NOX3: variants seen among roughly 807,000 people sequenced by gnomAD.
The protein encoded by NOX3 is NADPH oxidase 3.
In NOX3, 74 loss-of-function variants were observed where a neutral mutation model predicts 76.7. The observed-to-expected ratio is 0.96, with a 90% confidence interval of 0.80 to 1.17. NOX3 has a LOEUF of 1.17. Ranked by LOEUF, NOX3 falls within the 50% of genes most tolerant of loss-of-function variation. The pLI, the probability that NOX3 is intolerant of heterozygous loss-of-function variation, is 0.00. For missense variants in NOX3, 695 were observed against 703.3 expected (o/e 0.99, Z 0.13); for synonymous variants, 263 against 261.1 (o/e 1.01, Z -0.07).
intron 12 of NOX3, among the ~76,000 whole-genome samples, chr6:155,401,495 A>G (rs1779225911): frequency 6.6e-6 from 1 of 152,192 alleles, no homozygotes; most frequent in South Asian, 2.1e-4. Context: ...TAAAAATATC[A>G]TTTTAAAACA....
At chr6:155,408,522 C>A (rs1347630416) in intron 11 of NOX3, among the ~76,000 whole-genome samples, 1 of 152,086 alleles carries the variant, frequency 6.6e-6, no homozygotes, top group Non-Finnish European at 1.5e-5. Context: ...CCTGGCTGAC[C>A]TTCTCTCCAG....
chr6:155,402,820 A>C (rs1182817136), intron 12 of NOX3, among the ~76,000 whole-genome samples: 4 of 152,242 alleles, frequency 2.6e-5, no homozygotes, highest in Admixed American at 2.6e-4. Flanking sequence ...GCTGATGAAT[A>C]GAAATGGTTG....
At chr6:155,439,915 C>T (rs774252199) in intron 6 of NOX3, 41 bp downstream of exon 6, 2 of 1,559,920 alleles carry the variant, frequency 1.3e-6, no homozygotes, top group Admixed American at 3.8e-5. Flanking sequence ...TTGGGACTCT[C>T]AGAGATAAAA....
At chr6:155,410,055 CA>C (rs1202210320) in intron 11 of NOX3, among the ~76,000 whole-genome samples, 2 of 152,066 alleles carry the variant, frequency 1.3e-5, no homozygotes, top group African/African-American at 4.8e-5. Flanking sequence ...GTTCATCAGT[CA>C]AAAATCCCAC....
intron 1 of NOX3, among the ~76,000 whole-genome samples, chr6:155,455,393 G>A (rs1001043592): frequency 2.0e-5 from 3 of 152,192 alleles, no homozygotes; most frequent in Non-Finnish European, 2.9e-5. Context: ...AATCAACGTT[G>A]CTTGACAATG....
intron 12 of NOX3, among the ~76,000 whole-genome samples, chr6:155,399,172 C>T (rs1779178610): frequency 1.3e-5 from 2 of 152,168 alleles, no homozygotes; most frequent in Non-Finnish European, 2.9e-5. Flanking sequence ...GTCCTTGCAT[C>T]TATTTTCAAA....
At chr6:155,406,433 T>C (rs1776459309) in intron 12 of NOX3, among the ~76,000 whole-genome samples, 1 of 152,118 alleles carries the variant, frequency 6.6e-6, no homozygotes. Flanking sequence ...CTTTTCTATA[T>C]TGAAATTTAT....
At chr6:155,418,089 C>A (rs1163159812) in intron 10 of NOX3, among the ~76,000 whole-genome samples, 1 of 152,200 alleles carries the variant, frequency 6.6e-6, no homozygotes, top group Non-Finnish European at 1.5e-5. Flanking sequence ...GTCCTGACTG[C>A]ACAGCTGTGA....
chr6:155,427,262 T>TG (rs1776770409), intron 9 of NOX3, among the ~76,000 whole-genome samples: 1 of 152,116 alleles, frequency 6.6e-6, no homozygotes, highest in South Asian at 2.1e-4. Context: ...AAAGGAGGCC[T>TG]GTGACTCTTC....
intron 7 of NOX3, among the ~76,000 whole-genome samples, chr6:155,435,068 C>T (rs1290727942): frequency 6.6e-6 from 1 of 152,098 alleles, no homozygotes; most frequent in Admixed American, 6.6e-5. Context: ...GAATATCGTA[C>T]AGTTCAGCCA....
chr6:155,441,471 T>C (rs1776985173), intron 5 of NOX3, among the ~76,000 whole-genome samples: 1 of 152,256 alleles, frequency 6.6e-6, no homozygotes, highest in South Asian at 2.1e-4. Flanking sequence ...CAAATCGCCA[T>C]GTCTCTTTCT....
At chr6:155,440,850 A>ATT (rs35434317) in intron 5 of NOX3, among the ~76,000 whole-genome samples, 2 of 152,014 alleles carry the variant, frequency 1.3e-5, no homozygotes, top group Non-Finnish European at 2.9e-5. Context: ...TAATAAACAC[A>ATT]TTTTTTTGAG....
intron 12 of NOX3, among the ~76,000 whole-genome samples, chr6:155,399,951 A>G (rs1361769386): frequency 6.6e-6 from 1 of 152,202 alleles, no homozygotes; most frequent in East Asian, 1.9e-4. Flanking sequence ...ATCGGGGACA[A>G]TGTTAATGGC....
chr6:155,423,403 T>G (rs1451026552), intron 9 of NOX3, among the ~76,000 whole-genome samples: 1 of 152,246 alleles, frequency 6.6e-6, no homozygotes, highest in African/African-American at 2.4e-5. Context: ...TTGTCAGTTA[T>G]GTGGAACTTC....
At chr6:155,400,362 G>A (rs1223053894) in intron 12 of NOX3, among the ~76,000 whole-genome samples, 1 of 151,864 alleles carries the variant, frequency 6.6e-6, no homozygotes, top group Non-Finnish European at 1.5e-5. Context: ...ACCCTGTAGG[G>A]GCAGACCCTA....
At chr6:155,431,056 G>A in intron 7 of NOX3, 121 bp from the exon 8 acceptor site, 2 of 625,380 alleles carry the variant, frequency 3.2e-6, no homozygotes, top group Non-Finnish European at 5.6e-6. Flanking sequence ...TTAACTTTGG[G>A]CCAGTTATCA....
chr6:155,428,865 G>T lies in NOX3; in HGVS notation c.1074C>A (p.Asp358Glu), dbSNP rs1425976754. ...FFSVHIRAAG[D>E]WTAALLEAFG... ...AGGCCTCCAGTAGCGCTGCTGTCCA[G>T]TCTCCTGCTGCCCGGATGTGCACGC... The change falls in exon 9 of 14, where the codon GAC becomes GAA. Residue 358 changes from aspartate to glutamate, a missense_variant. By Grantham distance (45) the Asp-to-Glu change is conservative. Coordinates refer to ENST00000159060, the MANE Select transcript of NOX3 (RefSeq NM_015718.3). The T allele has an allele frequency of 1.9e-6, 3 of 1,611,270 alleles. No individual in the cohort carries two copies. The highest frequency in any genetic ancestry group is 2.2e-5 in the South Asian group (2 of 90,692).
At chr6:155,407,808 G>A (rs1055459374) in intron 11 of NOX3, among the ~76,000 whole-genome samples, 4 of 152,106 alleles carry the variant, frequency 2.6e-5, no homozygotes, top group Non-Finnish European at 4.4e-5. Context: ...CCTGGCAGGC[G>A]GAAAATGGTG....
At chr6:155,397,586 G>A (rs113788425) in intron 12 of NOX3, among the ~76,000 whole-genome samples, 1,591 of 152,248 alleles carry the variant, frequency 0.01, 29 homozygotes, top group Non-Finnish European at 0.012. Flanking sequence ...TAGTATCTGC[G>A]TGGTCTTGGG....
Sources: gnomAD v4.1 joint callset for allele counts (sites outside exome capture counted in the v4.1 genomes callset) on GRCh38, gnomAD v4.1.1 for gene constraint, MANE v1.5 for transcripts, NCBI Gene and HGNC (gene_info 2026-07-23, HGNC 2026-07-21) for gene names.